RGS3: variants seen among roughly 807,000 people sequenced by gnomAD.
RGS3 encodes the protein regulator of G-protein signalling 3.
In RGS3, 80 loss-of-function variants were observed where a neutral mutation model predicts 132.6. That is an observed-to-expected ratio of 0.60 (90% CI 0.50 to 0.73). The LOEUF (loss-of-function observed/expected upper bound fraction) is 0.73. Among genes scored for constraint, RGS3 ranks in the 30% least tolerant of loss-of-function variants. The pLI is 0.00. For synonymous variants in RGS3, 598 were observed against 620.6 expected (o/e 0.96, Z 0.54); for missense variants, 1,382 against 1,530.8 (o/e 0.90, Z 1.62).
intron 4 of RGS3, among the ~76,000 whole-genome samples, chr9:113,481,442 G>A (rs1048241724): frequency 6.6e-6 from 1 of 152,198 alleles, no homozygotes; most frequent in Non-Finnish European, 1.5e-5. Flanking sequence ...CCAGGATACT[G>A]GGCAGAGTAG....
intron 10 of RGS3, among the ~76,000 whole-genome samples, chr9:113,504,151 A>G (rs1456269619): frequency 1.3e-5 from 2 of 152,102 alleles, no homozygotes; most frequent in African/African-American, 4.8e-5. Flanking sequence ...TGGCCCTGGG[A>G]TGGTGGGTAG....
chr9:113,497,620 T>C (rs3810926), intron 9 of RGS3, among the ~76,000 whole-genome samples: 5,991 of 152,250 alleles, frequency 0.039, 161 homozygotes, highest in South Asian at 0.1. Flanking sequence ...ACTTTTACTG[T>C]AGAGGCTATG....
At chr9:113,530,273 TGGA>T (rs1474570275) in intron 18 of RGS3, among the ~76,000 whole-genome samples, 3 of 152,240 alleles carry the variant, frequency 2.0e-5, no homozygotes, top group Non-Finnish European at 4.4e-5. Flanking sequence ...AACAGCCCCC[TGGA>T]GGAGAAGACA....
Position 113,554,336 on chromosome 9 carries a change from T to C in RGS3, c.2037+17418T>C, listed in dbSNP as rs192105613. Among the ~76,000 whole-genome samples the C allele has an allele frequency of 1.0e-3, 153 of 152,386 alleles. 1 individual carries two copies. The highest frequency in any genetic ancestry group is 7.3e-4 in the Non-Finnish European group (50 of 68,042). On this transcript the variant is annotated intron_variant, in intron 19 of 24. Transcript: ENST00000350696. ...TTGTTTTATTTTTGGAGATGGAGTC[T>C]TGCTCTGTCACAAGGCTGGAGTGCG...
chr9:113,517,492 C>A, intron 15 of RGS3, 49 bp from the exon 14 acceptor site: 1 of 1,512,464 alleles, frequency 6.6e-7, no homozygotes, highest in Non-Finnish European at 9.2e-7. Flanking sequence ...CCCCCGGGTC[C>A]TCACCCAGCC....
chr9:113,549,227 T>TG (rs992517633), intron 19 of RGS3, among the ~76,000 whole-genome samples: 4 of 152,206 alleles, frequency 2.6e-5, no homozygotes, highest in African/African-American at 9.6e-5. Context: ...GGATTACTGA[T>TG]GGGTCACAGA....
At chr9:113,509,750 G>T (rs72761978) in intron 14 of RGS3, among the ~76,000 whole-genome samples, 3 of 151,964 alleles carry the variant, frequency 2.0e-5, no homozygotes, top group African/African-American at 4.8e-5. Flanking sequence ...ATGCTTCTAG[G>T]GGGTAGTTGG....
intron 3 of RGS3, among the ~76,000 whole-genome samples, chr9:113,468,529 C>A (rs1829721950): frequency 6.6e-6 from 1 of 152,058 alleles, no homozygotes; most frequent in Non-Finnish European, 1.5e-5. Context: ...TTTTGGCTGT[C>A]CTGGGTCCCT....
intron 19 of RGS3, among the ~76,000 whole-genome samples, chr9:113,578,777 G>C (rs968471444): frequency 1.3e-5 from 2 of 152,202 alleles, no homozygotes; most frequent in African/African-American, 4.8e-5. Context: ...GGGGGTCCAA[G>C]GCAGGGCAGG....
intron 1 of RGS3, among the ~76,000 whole-genome samples, chr9:113,454,300 G>A (rs1303398933): frequency 1.3e-5 from 2 of 152,110 alleles, no homozygotes; most frequent in Non-Finnish European, 2.9e-5. Flanking sequence ...CTGGGATGCA[G>A]TTAAGTTACT....
chr9:113,536,608 C>T, intron 18 of RGS3, 188 bp from the exon 17 acceptor site: 3 of 1,435,962 alleles, frequency 2.1e-6, no homozygotes, highest in Non-Finnish European at 2.7e-6. Context: ...GGCCCTTGAA[C>T]CCACTTCCCT....
chr9:113,472,109 G>C (rs1461690828), intron 3 of RGS3, among the ~76,000 whole-genome samples: 2 of 152,134 alleles, frequency 1.3e-5, no homozygotes, highest in Non-Finnish European at 2.9e-5. Flanking sequence ...TAAAAAAAGA[G>C]CCAATAACAG....
intron 20 of RGS3, among the ~76,000 whole-genome samples, chr9:113,587,741 TCA>T (rs1835191494): frequency 6.6e-6 from 1 of 152,196 alleles, no homozygotes. Context: ...CAGGCAGACC[TCA>T]GAGATAGTCT....
Position 113,553,455 on chromosome 9 carries a change from AAAAAATATATATATAT to A in RGS3, c.2037+16539_2037+16554del, listed in dbSNP as rs1369872881. On this transcript the variant is annotated intron_variant, in intron 19 of 24. Transcript: ENST00000350696. ...GAAACTCTGTTTAAAAAAAAAAAAA[AAAAAATATATATATAT>A]ATATATATATATATATATATGTATA... is the stretch of plus-strand genomic sequence containing the variant. Among the ~76,000 whole-genome samples the A allele has an allele frequency of 2.1e-4, 20 of 96,766 alleles. 1 individual carries two copies. The highest frequency in any genetic ancestry group is 8.0e-4 in the African/African-American group (19 of 23,794). The allele number at this position is 96,766 out of a possible 152,430, so 63.5% of individuals were successfully genotyped here.
At chr9:113,502,508 C>A (rs576049763) in intron 10 of RGS3, among the ~76,000 whole-genome samples, 1 of 152,358 alleles carries the variant, frequency 6.6e-6, no homozygotes, top group South Asian at 2.1e-4. Context: ...CTCTAGCCCT[C>A]CCCCGCTCTC....
At chr9:113,495,361 C>G (rs539580953) in intron 7 of RGS3, among the ~76,000 whole-genome samples, 92 of 152,328 alleles carry the variant, frequency 6.0e-4, no homozygotes, top group Middle Eastern at 6.8e-3. Context: ...TCAGCTCCTT[C>G]CTGGACCTGA....
At chr9:113,576,846 C>A (rs1834549836) in intron 19 of RGS3, among the ~76,000 whole-genome samples, 1 of 152,172 alleles carries the variant, frequency 6.6e-6, no homozygotes, top group African/African-American at 2.4e-5. Flanking sequence ...CAGAGAATGG[C>A]CAGTGGGGTC....
chr9:113,566,344 G>C (rs1485654812), intron 19 of RGS3, among the ~76,000 whole-genome samples: 1 of 152,186 alleles, frequency 6.6e-6, no homozygotes, highest in African/African-American at 2.4e-5. Flanking sequence ...CATCAGGCAG[G>C]GGGTGGTGGT....
chr9:113,517,578 T>C, exon 16 of RGS3: 1 of 1,613,656 alleles, frequency 6.2e-7, no homozygotes, highest in East Asian at 2.2e-5. Flanking sequence ...ACCCTCCTGC[T>C]GTCAGAGGAG....
Sources: gnomAD v4.1 joint callset for allele counts (sites outside exome capture counted in the v4.1 genomes callset) on GRCh38, gnomAD v4.1.1 for gene constraint, MANE v1.5 for transcripts, NCBI Gene and HGNC (gene_info 2026-07-23, HGNC 2026-07-21) for gene names.